DOCK11: variants seen among roughly 807,000 people sequenced by gnomAD.
DOCK11 encodes dedicator of cytokinesis 11.
Under a neutral mutation model 169.1 loss-of-function variants are expected in DOCK11, and 70 were observed. The observed-to-expected ratio is 0.41, with a 90% confidence interval of 0.34 to 0.51. DOCK11 has a LOEUF of 0.51. Ranked by LOEUF, DOCK11 falls within the 20% of genes least tolerant of loss-of-function variation. The probability of loss-of-function intolerance (pLI) is 0.10; values close to 1 mark genes in which losing one functional copy is unlikely to be tolerated. For synonymous variants in DOCK11, 529 were observed against 541.3 expected, an observed-to-expected ratio of 0.98 and a Z score of 0.32; for missense variants, 1,166 against 1,538.8, an observed-to-expected ratio of 0.76 and a Z score of 4.05.
At chrX:118,557,763 C>CAAAAAAAAAAAAAA (rs773728594) in intron 6 of DOCK11, among the ~76,000 whole-genome samples, 1 of 24,334 alleles carries the variant, frequency 4.1e-5, no homozygotes, top group African/African-American at 1.9e-4. Context: ...GACTCTGTCT[C>CAAAAAAAAAAAAAA]AAAAAAAAAA....
In DOCK11 at chrX:118,672,495, C is replaced by T. The variant is rs753338889; in HGVS notation, c.5199+1350C>T. 1.9e-3 allele frequency among the ~76,000 whole-genome samples: 216 copies of T among 112,984 alleles called. 1 individual carries two copies. Among genetic ancestry groups the T allele is most frequent in the Non-Finnish European group, 3.3e-3 (175 of 53,295 alleles). The stretch of plus-strand genomic sequence containing the variant: ...TGGCCCAGGCCGGACTGCAGTGGCG[C>T]TATCTCGGCTCACTGCAAGCTCCAC... On this transcript the variant is annotated intron_variant, in intron 46 of 52. Coordinates refer to ENST00000276202, the MANE Select transcript of DOCK11 (RefSeq NM_144658.4).
chrX:118,583,906 G>T, intron 14 of DOCK11, among the ~76,000 whole-genome samples: 1 of 111,620 alleles, frequency 9.0e-6, no homozygotes, highest in East Asian at 2.8e-4. Context: ...AAGTCTATTT[G>T]TGTTCAGTAC....
At chrX:118,509,197 G>C (rs2057633695) in intron 1 of DOCK11, among the ~76,000 whole-genome samples, 1 of 111,597 alleles carries the variant, frequency 9.0e-6, no homozygotes, top group African/African-American at 3.3e-5. Context: ...TTCCTGAGGA[G>C]GGGTGCCTTA....
chrX:118,671,214 T>A, intron 46 of DOCK11, 69 bp downstream of exon 46: 1 of 992,688 alleles, frequency 1.0e-6, no homozygotes, highest in Non-Finnish European at 1.4e-6. Flanking sequence ...AACAGTAATA[T>A]AGTTCTGTCA....
chrX:118,629,528 A>G (rs966410410), intron 34 of DOCK11, among the ~76,000 whole-genome samples: 2 of 111,906 alleles, frequency 1.8e-5, no homozygotes, highest in African/African-American at 6.5e-5. Flanking sequence ...TTAATTTCTG[A>G]TATTTTTTAA....
At chrX:118,550,734 C>T (rs180844070) in intron 6 of DOCK11, among the ~76,000 whole-genome samples, 3 of 111,677 alleles carry the variant, frequency 2.7e-5, no homozygotes, top group Admixed American at 1.9e-4. Context: ...TCCTGCATCA[C>T]GTCTGGATTG....
At chrX:118,627,632 CTCTACT>C (rs2015142581) in intron 33 of DOCK11, 53 bp downstream of exon 33, 1 of 842,520 alleles carries the variant, frequency 1.2e-6, no homozygotes, top group Non-Finnish European at 1.8e-6. Flanking sequence ...GACATGTACC[CTCTACT>C]TCTCAGTATT....
At chrX:118,670,158 G>C (rs2016433910) in intron 45 of DOCK11, among the ~76,000 whole-genome samples, 1 of 111,821 alleles carries the variant, frequency 8.9e-6, no homozygotes, top group Non-Finnish European at 1.9e-5. Flanking sequence ...CTACCTAAGG[G>C]TCTATAGGAT....
Position 118,610,428 on chromosome X carries a change from A to G in DOCK11, c.3096+10A>G, listed in dbSNP as rs749056435. 2 of 1,207,351 alleles carry G rather than the reference A, an allele frequency of 1.7e-6. No individual in the cohort carries two copies. Among genetic ancestry groups the G allele is most frequent in the Non-Finnish European group, 1.1e-6 (1 of 893,620 alleles). On this transcript the variant is annotated intron_variant, in intron 28 of 52. Coordinates refer to ENST00000276202, the MANE Select transcript of DOCK11 (RefSeq NM_144658.4). Reference sequence around the variant, plus strand: ...GGCTAGCTTCCTGAAGGTGAGTTCAAGGCAGCTAGAATGTGGTAAGGAACT... The same window carrying G: ...GGCTAGCTTCCTGAAGGTGAGTTCAGGGCAGCTAGAATGTGGTAAGGAACT...
At chrX:118,636,885 A>G in intron 36 of DOCK11, among the ~76,000 whole-genome samples, 1 of 112,226 alleles carries the variant, frequency 8.9e-6, no homozygotes, top group Non-Finnish European at 1.9e-5. Context: ...ATGTATTCCA[A>G]GACTCTTGGG....
intron 1 of DOCK11, among the ~76,000 whole-genome samples, chrX:118,528,856 A>G (rs1198770146): frequency 1.8e-5 from 2 of 109,744 alleles, no homozygotes; most frequent in African/African-American, 6.6e-5. Flanking sequence ...ACAGAGAGAG[A>G]GAGGTTGTTT....
intron 16 of DOCK11, among the ~76,000 whole-genome samples, chrX:118,587,414 A>G (rs2013849267): frequency 2.7e-5 from 3 of 111,882 alleles, no homozygotes; most frequent in Admixed American, 9.5e-5. Flanking sequence ...GGCATGTATC[A>G]CTGTAATAAT....
In DOCK11 at chrX:118,627,490, A is replaced by G. The variant is rs779363930; in HGVS notation, c.3589-14A>G. ...AATTTGTTTAAATGACACAGGTATCATATTCTGTTACAGGCATCCAGAGAT... is the reference window on the plus strand; with the variant it reads ...AATTTGTTTAAATGACACAGGTATCGTATTCTGTTACAGGCATCCAGAGAT... On this transcript the variant is annotated splice_polypyrimidine_tract_variant and intron_variant, in intron 32 of 52. Transcript: ENST00000276202. 1.4e-5 allele frequency: 16 copies of G among 1,178,757 alleles called. No individual in the cohort carries two copies. The highest frequency in any genetic ancestry group is 4.7e-4 in the Middle Eastern group (2 of 4,271).
intron 10 of DOCK11, among the ~76,000 whole-genome samples, chrX:118,569,090 C>CT (rs1556290561): frequency 1.5e-5 from 1 of 68,238 alleles, no homozygotes; most frequent in African/African-American, 4.6e-5. Flanking sequence ...TTCTTTCTTT[C>CT]CTTTTTTTTT....
At chrX:118,501,831 C>T (rs1340334721) in intron 1 of DOCK11, among the ~76,000 whole-genome samples, 1 of 111,780 alleles carries the variant, frequency 8.9e-6, no homozygotes, top group Non-Finnish European at 1.9e-5. Context: ...TTCATTTCCC[C>T]TCTCCCATGC....
chrX:118,585,749 A>G (rs2147414814), intron 16 of DOCK11, among the ~76,000 whole-genome samples: 1 of 109,900 alleles, frequency 9.1e-6, no homozygotes, highest in East Asian at 2.9e-4. Context: ...GCCTTTGGTA[A>G]CTTTTACTTC....
chrX:118,618,457 CATG>C (rs1408417851), intron 30 of DOCK11, 90 bp from the exon 31 acceptor site: 1 of 658,400 alleles, frequency 1.5e-6, no homozygotes, highest in Non-Finnish European at 2.2e-6. Flanking sequence ...CTCTTGCTAG[CATG>C]ATCACATATT....
At position 118,669,138 on chromosome X, in the gene DOCK11, A is replaced by G. The variant is rs1321399545; in HGVS notation, c.5077-1885A>G. ...GAACCCTATGGCAGATGTGTGGAAG[A>G]TGTATTTGAAAGGGCTAAGACTGGA... On this transcript the variant is annotated intron_variant, in intron 45 of 52. Transcript: ENST00000276202. 4.5e-5 allele frequency among the ~76,000 whole-genome samples: 5 copies of G among 111,735 alleles called. No homozygotes were observed. In the Admixed American group the frequency reaches 4.8e-4, roughly 11 times the overall value.
At chrX:118,548,972 T>A (rs140145998) in intron 6 of DOCK11, among the ~76,000 whole-genome samples, 44 of 110,910 alleles carry the variant, frequency 4.0e-4, no homozygotes, top group African/African-American at 1.4e-3. Flanking sequence ...GTGTGATGGG[T>A]CCGAGGCAAC....
Sources: allele counts gnomAD v4.1 joint callset (sites outside exome capture counted in the v4.1 genomes callset), GRCh38; gene constraint gnomAD v4.1.1; transcripts MANE v1.5; gene names NCBI Gene and HGNC (gene_info 2026-07-23, HGNC 2026-07-21).